Variants in MCC observed in about 807,000 individuals in gnomAD.
MCC encodes the protein colorectal mutant cancer protein.
MCC carries 90 observed loss-of-function variants against 116.2 expected under a neutral mutation model. The observed-to-expected ratio is 0.77, with a 90% CI of 0.65 to 0.92. The LOEUF (loss-of-function observed/expected upper bound fraction) is 0.92. Ranked by LOEUF, MCC falls within the 40% of genes least tolerant of loss-of-function variation. The probability of loss-of-function intolerance (pLI) is 0.00; values close to 1 mark genes in which losing one functional copy is unlikely to be tolerated. For missense variants in MCC, 1,516 were observed against 1,312.2 expected (o/e 1.16, Z -2.40); for synonymous variants, 578 against 510.5 (o/e 1.13, Z -1.78).
At chr5:113,234,800 G>A (rs1764070852) in intron 3 of MCC, 1 of 152,150 alleles carries the variant, frequency 6.6e-6, no homozygotes, top group Non-Finnish European at 1.5e-5. Flanking sequence ...ATGACAAATA[G>A]AACACAAGCT....
chr5:113,415,129 G>C (rs909595423), intron 1 of MCC, among the ~76,000 whole-genome samples: 3 of 152,186 alleles, frequency 2.0e-5, no homozygotes, highest in Admixed American at 6.5e-5. Flanking sequence ...TTTCTGCCGA[G>C]AGATCTGCTG....
In MCC at chr5:113,025,066, T is replaced by G. The variant is rs1433886877; in HGVS notation, c.*2236A>C. The G allele has an allele frequency of 6.6e-6, 1 of 151,692 alleles. No individual in the cohort carries two copies. The highest frequency in any genetic ancestry group is 1.5e-5 in the Non-Finnish European group (1 of 67,970). 9.4% of individuals were successfully genotyped at this position (151,692 alleles called of 1,614,324 possible). ...TCTCTGATTTTACCTGGAGCAAGAA[T>G]GGAGACAGAAGTCAGTAGGCAGGAT... On this transcript the variant is annotated 3_prime_UTR_variant, in exon 19 of 19. Transcript: ENST00000408903.
chr5:113,383,377 TGA>T (rs2150392965), intron 2 of MCC, among the ~76,000 whole-genome samples: 1 of 152,330 alleles, frequency 6.6e-6, no homozygotes, highest in Non-Finnish European at 1.5e-5. Context: ...AAATATTTAC[TGA>T]GTGTCTATTT....
At chr5:113,415,279 T>C (rs1038136041) in intron 1 of MCC, among the ~76,000 whole-genome samples, 68 of 152,256 alleles carry the variant, frequency 4.5e-4, no homozygotes, top group African/African-American at 1.6e-3. Flanking sequence ...ATCTTTGTGG[T>C]GTTCTCTGTA....
intron 4 of MCC, among the ~76,000 whole-genome samples, chr5:113,149,079 G>T (rs1373664343): frequency 6.6e-6 from 1 of 152,052 alleles, no homozygotes; most frequent in African/African-American, 2.4e-5. Flanking sequence ...TACTGTACAT[G>T]CCAGCTTCCA....
At chr5:113,202,799 A>AC (rs1186679426) in intron 3 of MCC, among the ~76,000 whole-genome samples, 8 of 150,926 alleles carry the variant, frequency 5.3e-5, no homozygotes, top group Non-Finnish European at 4.4e-5. Flanking sequence ...AAAAAAAAAA[A>AC]AAAAACTTTT....
At chr5:113,378,349 C>A (rs1241352283) in intron 2 of MCC, among the ~76,000 whole-genome samples, 1 of 151,988 alleles carries the variant, frequency 6.6e-6, no homozygotes, top group African/African-American at 2.4e-5. Flanking sequence ...CCATGGGGCA[C>A]CATCAGAGCA....
chr5:113,433,394 G>A (rs1466253350), intron 1 of MCC: 7 of 530,310 alleles, frequency 1.3e-5, no homozygotes, highest in South Asian at 8.7e-5. Context: ...GGTGGACAGC[G>A]GTGCCTTCCT....
intron 1 of MCC, among the ~76,000 whole-genome samples, chr5:113,451,025 T>A (rs1224614937): frequency 6.6e-6 from 1 of 152,204 alleles, no homozygotes; most frequent in African/African-American, 2.4e-5. Context: ...TTCTAATGCA[T>A]CTTTCCTTTT....
In MCC at chr5:113,341,947, G is replaced by C. The variant is rs145012923; in HGVS notation, c.416-1217C>G. 4.5e-3 allele frequency among the ~76,000 whole-genome samples: 681 copies of C among 152,216 alleles called. 3 individuals carry two copies. Among genetic ancestry groups the C allele is most frequent in the African/African-American group, 0.016 (657 of 41,512 alleles). On this transcript the variant is annotated intron_variant, in intron 2 of 18. Coordinates refer to ENST00000408903, the MANE Select transcript of MCC (RefSeq NM_001085377.2). ...CTTTGGTGCACCCATCACCCGAACA[G>C]TGTACGCTGTGCCCAATGTGTAGTC... is the stretch of plus-strand genomic sequence containing the variant.
chr5:113,054,566 C>G (rs191437818), intron 14 of MCC, among the ~76,000 whole-genome samples: 1 of 152,270 alleles, frequency 6.6e-6, no homozygotes, highest in East Asian at 1.9e-4. Context: ...GGAGCAGCAC[C>G]GAAGGGGGCT....
At chr5:113,263,424 A>T (rs1275239972) in intron 3 of MCC, among the ~76,000 whole-genome samples, 1 of 152,214 alleles carries the variant, frequency 6.6e-6, no homozygotes, top group Non-Finnish European at 1.5e-5. Context: ...TGATTTATCA[A>T]TAGTGGCCCT....
intron 1 of MCC, among the ~76,000 whole-genome samples, chr5:113,410,677 T>C (rs1473827332): frequency 1.3e-5 from 2 of 152,258 alleles, no homozygotes; most frequent in Non-Finnish European, 2.9e-5. Context: ...TACATAGGTA[T>C]ACATGTGCCA....
chr5:113,051,386 A>C (rs535958179), intron 15 of MCC, among the ~76,000 whole-genome samples: 1 of 152,332 alleles, frequency 6.6e-6, no homozygotes, highest in East Asian at 1.9e-4. Flanking sequence ...TTTAAAACAA[A>C]GTGATACAGG....
intron 17 of MCC, among the ~76,000 whole-genome samples, chr5:113,031,227 C>T (rs1407541411): frequency 6.6e-6 from 1 of 152,178 alleles, no homozygotes; most frequent in Non-Finnish European, 1.5e-5. Flanking sequence ...GCCCAGAACT[C>T]ATTTTTCAGT....
intron 3 of MCC, among the ~76,000 whole-genome samples, chr5:113,258,201 A>G (rs1765091735): frequency 6.6e-6 from 1 of 152,240 alleles, no homozygotes; most frequent in African/African-American, 2.4e-5. Context: ...GCTTATAGGA[A>G]AGACAAACAT....
At chr5:113,175,365 G>T (rs561784721) in intron 3 of MCC, among the ~76,000 whole-genome samples, 1 of 152,148 alleles carries the variant, frequency 6.6e-6, no homozygotes, top group African/African-American at 2.4e-5. Flanking sequence ...TTTCAGGGAC[G>T]TATTTATTCT....
intron 1 of MCC, among the ~76,000 whole-genome samples, chr5:113,400,293 T>C (rs1201162154): frequency 6.6e-6 from 1 of 151,964 alleles, no homozygotes; most frequent in East Asian, 1.9e-4. Context: ...CAGCTAATTT[T>C]TGTACTTTTA....
chr5:113,042,028 G>A (rs1347682354), intron 17 of MCC, among the ~76,000 whole-genome samples: 1 of 151,810 alleles, frequency 6.6e-6, no homozygotes, highest in Admixed American at 6.6e-5. Flanking sequence ...TCGAACAGGT[G>A]ACCTAGGAAT....
Sources: gnomAD v4.1 joint callset for allele counts (sites outside exome capture counted in the v4.1 genomes callset) on GRCh38, gnomAD v4.1.1 for gene constraint, MANE v1.5 for transcripts, NCBI Gene and HGNC (gene_info 2026-07-23, HGNC 2026-07-21) for gene names.